Variants in CNOT4 observed in about 807,000 individuals in gnomAD.
The protein encoded by CNOT4 is CCR4-NOT transcription complex subunit 4, also known as CCR4-associated factor 4.
A neutral mutation model predicts 73.8 loss-of-function variants in CNOT4; 8 were observed. The observed-to-expected ratio is 0.11, with a 90% confidence interval of 0.06 to 0.20. The LOEUF (loss-of-function observed/expected upper bound fraction) is 0.20. Ranked by LOEUF, CNOT4 falls within the 10% of genes least tolerant of loss-of-function variation. CNOT4 has a pLI of 1.00. For synonymous variants in CNOT4, 293 were observed against 321.1 expected, an observed-to-expected ratio of 0.91 and a Z score of 0.94; for missense variants, 564 against 883.4, an observed-to-expected ratio of 0.64 and a Z score of 4.58.
At chr7:135,428,174 G>C (rs1798611851) in intron 2 of CNOT4, among the ~76,000 whole-genome samples, 1 of 152,178 alleles carries the variant, frequency 6.6e-6, no homozygotes, top group Non-Finnish European at 1.5e-5. Flanking sequence ...TGCTTGGCTA[G>C]ACCAAAAACC....
intron 10 of CNOT4, chr7:135,387,528 T>C (rs1796183277): frequency 1.0e-6 from 1 of 973,810 alleles, no homozygotes; most frequent in Non-Finnish European, 1.2e-6. Context: ...GGCTTCTTTT[T>C]TGTATTCACA....
At position 135,487,558 on chromosome 7, in the gene CNOT4, C is replaced by T. The variant is rs377501342; in HGVS notation, c.-93+22331G>A. 5.3e-5 allele frequency among the ~76,000 whole-genome samples: 8 copies of T among 152,080 alleles called. No homozygotes were observed. The East Asian group carries it at 1.5e-3, about 29-fold the overall frequency. On this transcript the variant is annotated intron_variant, in intron 1 of 11. Transcript: ENST00000541284. ...CCAGGTCTAATTTTCCGTACCTAAG[C>T]AGGTATTATGGACTCTTTCGAGTCG...
intron 1 of CNOT4, among the ~76,000 whole-genome samples, chr7:135,491,249 G>A (rs1803090756): frequency 6.6e-6 from 1 of 152,186 alleles, no homozygotes; most frequent in South Asian, 2.1e-4. Flanking sequence ...TCATTTGAGA[G>A]AAAAATATTC....
At chr7:135,472,516 T>TAG (rs1718064972) in intron 1 of CNOT4, among the ~76,000 whole-genome samples, 1 of 6,264 alleles carries the variant, frequency 1.6e-4, no homozygotes, top group Non-Finnish European at 2.7e-4. Flanking sequence ...AAAAAAAAAA[T>TAG]ATATATATAT....
chr7:135,396,058 T>C (rs1014731205), intron 8 of CNOT4, among the ~76,000 whole-genome samples, 175 bp from the exon 9 acceptor site: 1 of 150,762 alleles, frequency 6.6e-6, no homozygotes, highest in East Asian at 1.9e-4. Context: ...CTTACATATA[T>C]ACTCTTTAAA....
At chr7:135,502,770 C>G (rs1011959783) in intron 1 of CNOT4, among the ~76,000 whole-genome samples, 3 of 132,524 alleles carry the variant, frequency 2.3e-5, no homozygotes, top group African/African-American at 8.5e-5. Context: ...GAGCCAAGAT[C>G]ATACCACTGC....
At chr7:135,419,252 T>G (rs1052784388) in intron 3 of CNOT4, among the ~76,000 whole-genome samples, 2 of 150,728 alleles carry the variant, frequency 1.3e-5, no homozygotes, top group African/African-American at 4.9e-5. Flanking sequence ...GTTCCTAAAC[T>G]CTCCTATTCT....
chr7:135,434,999 G>A (rs539519394), intron 2 of CNOT4, among the ~76,000 whole-genome samples: 65 of 152,230 alleles, frequency 4.3e-4, no homozygotes, highest in African/African-American at 1.6e-3. Context: ...AAAATTGAGA[G>A]CTCTCCTTTC....
At chr7:135,476,231 G>A (rs761605337) in intron 1 of CNOT4, among the ~76,000 whole-genome samples, 3 of 152,076 alleles carry the variant, frequency 2.0e-5, no homozygotes, top group Non-Finnish European at 2.9e-5. Flanking sequence ...CTGGGAGAGA[G>A]ACAGATATAT....
At chr7:135,418,128 G>A (rs1261090755) in intron 3 of CNOT4, among the ~76,000 whole-genome samples, 2 of 152,162 alleles carry the variant, frequency 1.3e-5, no homozygotes, top group Non-Finnish European at 2.9e-5. Flanking sequence ...AGAATTACAC[G>A]GATTTGTAAC....
At chr7:135,391,425 C>A (rs572555833) in intron 10 of CNOT4, among the ~76,000 whole-genome samples, 2 of 151,996 alleles carry the variant, frequency 1.3e-5, no homozygotes, top group Non-Finnish European at 2.9e-5. Flanking sequence ...AAATACCAAG[C>A]AAGTCTGCAT....
chr7:135,395,696 C>A lies in CNOT4; in HGVS notation c.1067G>T (p.Ser356Ile), dbSNP rs551935402. ...PIPSGLPPFP[S>I]SPQTSSDWPT... The stretch of plus-strand genomic sequence containing the variant: ...CCAGTCACTGGATGTCTGTGGGGAG[C>A]TGGGGAAAGGAGGAAGCCCACTTGG... The change falls in exon 9 of 12, where the codon AGC becomes ATC. Residue 356 changes from serine (S) to isoleucine (I), a missense_variant. By Grantham distance (142) the Ser-to-Ile change is moderately radical. This residue lies in a region of CNOT4 where 135 missense variants were observed against 154.0 expected (regional missense o/e 0.88). Coordinates refer to ENST00000541284, the MANE Select transcript of CNOT4 (RefSeq NM_001190850.2). 23 of 1,613,944 alleles carry A rather than the reference C, an allele frequency of 1.4e-5. No homozygotes were observed. In the South Asian group the frequency reaches 2.2e-4, roughly 15 times the overall value.
chr7:135,494,639 T>C (rs966613745), intron 1 of CNOT4, among the ~76,000 whole-genome samples: 2 of 152,032 alleles, frequency 1.3e-5, no homozygotes, highest in Non-Finnish European at 2.9e-5. Flanking sequence ...TCAAAACAAA[T>C]ATCCCTACCC....
At chr7:135,453,848 T>TATATAAA (rs1800350876) in intron 1 of CNOT4, among the ~76,000 whole-genome samples, 4 of 116,740 alleles carry the variant, frequency 3.4e-5, no homozygotes, top group East Asian at 2.4e-4. Flanking sequence ...ATATATATAT[T>TATATAAA]ATATATATAG....
At chr7:135,397,832 G>C (rs1796781504) in intron 8 of CNOT4, among the ~76,000 whole-genome samples, 1 of 152,118 alleles carries the variant, frequency 6.6e-6, no homozygotes, top group Non-Finnish European at 1.5e-5. Context: ...GGCAAGGGGA[G>C]TATGTGGTAG....
chr7:135,420,427 A>G (rs550571527), intron 3 of CNOT4, among the ~76,000 whole-genome samples: 54 of 151,818 alleles, frequency 3.6e-4, no homozygotes, highest in African/African-American at 1.2e-3. Context: ...AAATACAAAA[A>G]CTAGCCAGGT....
Position 135,387,467 on chromosome 7 carries a change from T to G in CNOT4, c.1627+6451A>C, listed in dbSNP as rs3812279. ...GAAAACTCCAACTCCAACATGACATTAAGTACCATCTCCTAATAACATGTT... is the reference window on the plus strand; with the variant it reads ...GAAAACTCCAACTCCAACATGACATGAAGTACCATCTCCTAATAACATGTT... On this transcript the variant is annotated intron_variant, in intron 10 of 11. Transcript: ENST00000541284. 747 of 982,458 alleles carry G rather than the reference T, an allele frequency of 7.6e-4. 18 individuals carry two copies. In the East Asian group the frequency reaches 0.053, roughly 70 times the overall value. 60.9% of individuals were successfully genotyped at this position (982,458 alleles called of 1,614,324 possible).
intron 1 of CNOT4, among the ~76,000 whole-genome samples, chr7:135,447,995 C>T (rs762212790): frequency 4.6e-5 from 7 of 152,170 alleles, no homozygotes; most frequent in Non-Finnish European, 8.8e-5. Context: ...CTGCCAAACA[C>T]TGTCAGCCCA....
chr7:135,453,293 TTAAGCTCATGTTTA>T (rs775692118), intron 1 of CNOT4, among the ~76,000 whole-genome samples: 14 of 152,290 alleles, frequency 9.2e-5, no homozygotes, highest in South Asian at 2.1e-4. Context: ...GAATTTTTTT[TTAAGCTCATGTTTA>T]TTAGCCTGGT....
Sources: allele counts gnomAD v4.1 joint callset (sites outside exome capture counted in the v4.1 genomes callset), GRCh38; gene constraint gnomAD v4.1.1; regional missense constraint gnomAD v4.1.1; transcripts MANE v1.5; gene names NCBI Gene and HGNC (gene_info 2026-07-23, HGNC 2026-07-21).